Variants in KLRG1 observed in about 807,000 individuals in gnomAD.
KLRG1 encodes the protein killer cell lectin-like receptor subfamily G member 1.
In KLRG1, 16 loss-of-function variants were observed where a neutral mutation model predicts 21.8. The ratio of observed to expected loss-of-function variants is 0.73; its 90% CI spans 0.50 to 1.11. KLRG1 has a LOEUF of 1.11. Among genes scored for constraint, KLRG1 ranks in the 50% most tolerant of loss-of-function variants. KLRG1 has a pLI of 0.00. For synonymous variants in KLRG1, 69 were observed against 75.9 expected, an observed-to-expected ratio of 0.91 and a Z score of 0.47; for missense variants, 173 against 218.3, an observed-to-expected ratio of 0.79 and a Z score of 1.31.
the KLRG1 span, among the ~76,000 whole-genome samples, chr12:9,078,480 A>G: frequency 6.6e-6 from 1 of 152,204 alleles, no homozygotes; most frequent in Non-Finnish European, 1.5e-5. Context: ...TTGTTATTGT[A>G]AATAGTGCCG....
At chr12:8,956,364 C>T (rs892175083) in intron 1 of KLRG1, among the ~76,000 whole-genome samples, 6 of 152,178 alleles carry the variant, frequency 3.9e-5, no homozygotes, top group African/African-American at 1.2e-4. Context: ...GTAACACAAA[C>T]GAGCTGAGAC....
At chr12:9,056,216 C>G in the KLRG1 span, among the ~76,000 whole-genome samples, 1 of 152,090 alleles carries the variant, frequency 6.6e-6, no homozygotes, top group Non-Finnish European at 1.5e-5. Flanking sequence ...AGGCTTTGAC[C>G]TATTTAAGGA....
At chr12:9,158,752 C>CTTTTTTTTTTTTT in the KLRG1 span, among the ~76,000 whole-genome samples, 117 of 97,744 alleles carry the variant, frequency 1.2e-3, 1 homozygote, top group Non-Finnish European at 1.6e-3. Context: ...TTTTTCTTTT[C>CTTTTTTTTTTTTT]TTTTCTTTTT....
the KLRG1 span, chr12:9,037,165 T>C: frequency 6.4e-6 from 1 of 155,850 alleles, no homozygotes; most frequent in South Asian, 2.0e-4. Flanking sequence ...AAGCTTGCAC[T>C]TTCTGCTCTG....
the KLRG1 span, chr12:9,162,252 ACAC>A: frequency 5.3e-6 from 1 of 190,138 alleles, no homozygotes; most frequent in Non-Finnish European, 1.1e-5. Context: ...GTGAGCCACC[ACAC>A]CCGGCTAACC....
At chr12:9,080,227 C>A in the KLRG1 span, 17 of 1,278,202 alleles carry the variant, frequency 1.3e-5, no homozygotes, top group Non-Finnish European at 1.9e-5. Flanking sequence ...TGCATTATAT[C>A]TTTCTAAACA....
the KLRG1 span, chr12:9,161,069 C>T: frequency 6.2e-6 from 10 of 1,604,532 alleles, no homozygotes; most frequent in Non-Finnish European, 8.5e-6. Flanking sequence ...GATTCTTTGA[C>T]CACATTTGAT....
At chr12:9,029,266 A>G in the KLRG1 span, among the ~76,000 whole-genome samples, 1 of 152,126 alleles carries the variant, frequency 6.6e-6, no homozygotes, top group Non-Finnish European at 1.5e-5. Context: ...CCCAGACTGG[A>G]GTGCAATGGT....
At chr12:9,198,104 A>G in the KLRG1 span, among the ~76,000 whole-genome samples, 2 of 150,614 alleles carry the variant, frequency 1.3e-5, no homozygotes, top group South Asian at 2.1e-4. Context: ...TGCAACCCCA[A>G]CACTTTGGGA....
chr12:9,212,243 T>C, the KLRG1 span, among the ~76,000 whole-genome samples: 5 of 152,292 alleles, frequency 3.3e-5, no homozygotes, highest in South Asian at 2.1e-4. Flanking sequence ...GCAGGCCTGC[T>C]CTCAAATCAC....
the KLRG1 span, among the ~76,000 whole-genome samples, chr12:9,102,830 G>A: frequency 3.3e-5 from 5 of 152,296 alleles, no homozygotes; most frequent in East Asian, 3.9e-4. Flanking sequence ...TTTTTGAAAT[G>A]AGTAAACATT....
chr12:9,173,967 A>G, the KLRG1 span, among the ~76,000 whole-genome samples: 2 of 152,178 alleles, frequency 1.3e-5, no homozygotes, highest in East Asian at 3.9e-4. Flanking sequence ...CTCCTCGCTA[A>G]CTCATTCTAT....
the KLRG1 span, chr12:9,068,820 A>G: frequency 3.1e-6 from 5 of 1,604,608 alleles, no homozygotes; most frequent in Non-Finnish European, 4.3e-6. Flanking sequence ...CGTGAAGAAC[A>G]AGCTCAGTGT....
chr12:9,005,202 G>C (rs1026353018), intron 3 of KLRG1, among the ~76,000 whole-genome samples: 1 of 151,930 alleles, frequency 6.6e-6, no homozygotes, highest in African/African-American at 2.4e-5. Flanking sequence ...CGGGCCTGTC[G>C]GGGGGTGGGG....
At chr12:9,055,078 C>T in the KLRG1 span, among the ~76,000 whole-genome samples, 1 of 152,148 alleles carries the variant, frequency 6.6e-6, no homozygotes, top group Non-Finnish European at 1.5e-5. Context: ...AACTGATATC[C>T]AGATGTTTTT....
chr12:9,160,413 C>T, the KLRG1 span: 2 of 1,613,990 alleles, frequency 1.2e-6, no homozygotes, highest in South Asian at 2.2e-5. Flanking sequence ...GCAAATAGGA[C>T]CATGTTCTGT....
chr12:9,212,923 G>T, the KLRG1 span, among the ~76,000 whole-genome samples: 18 of 152,086 alleles, frequency 1.2e-4, no homozygotes, highest in Non-Finnish European at 1.9e-4. Flanking sequence ...ACCCCCAAAA[G>T]AAACTACATA....
chr12:9,091,273 A>G, the KLRG1 span: 25 of 1,614,200 alleles, frequency 1.5e-5, no homozygotes, highest in Non-Finnish European at 1.9e-5. Context: ...TCACAGAGTA[A>G]GGCATTGTGA....
the KLRG1 span, among the ~76,000 whole-genome samples, chr12:9,100,581 C>T: frequency 1.5e-4 from 23 of 152,012 alleles, no homozygotes; most frequent in Admixed American, 2.6e-4. Flanking sequence ...AGCTGGCCCA[C>T]ACCAATATTT....
Sources: gnomAD v4.1 joint callset for allele counts (sites outside exome capture counted in the v4.1 genomes callset) on GRCh38, gnomAD v4.1.1 for gene constraint, MANE v1.5 for transcripts, NCBI Gene and HGNC (gene_info 2026-07-23, HGNC 2026-07-21) for gene names.